The following EDARADD variants were observed in gnomAD, a reference collection of about 807,000 sequenced individuals.
EDARADD encodes ectodysplasin-A receptor-associated adapter protein.
In EDARADD, 20 loss-of-function variants were observed where a neutral mutation model predicts 25.6. That is an observed-to-expected ratio of 0.78 (90% CI 0.55 to 1.14). The LOEUF is 1.14. Ranked by LOEUF, EDARADD falls within the 50% of genes most tolerant of loss-of-function variation. The probability of loss-of-function intolerance (pLI) is 0.00; values close to 1 mark genes in which losing one functional copy is unlikely to be tolerated. For synonymous variants in EDARADD, 86 were observed against 94.4 expected, an observed-to-expected ratio of 0.91 and a Z score of 0.52; for missense variants, 225 against 270.1, an observed-to-expected ratio of 0.83 and a Z score of 1.17.
chr1:236,361,194 A>G (rs1667043741), intron 3 of EDARADD, among the ~76,000 whole-genome samples: 1 of 152,098 alleles, frequency 6.6e-6, no homozygotes, highest in Non-Finnish European at 1.5e-5. Context: ...TATCATCTCC[A>G]ATGGTTTCCT....
At chr1:236,453,673 G>A (rs954079205) in intron 4 of EDARADD, among the ~76,000 whole-genome samples, 2 of 152,172 alleles carry the variant, frequency 1.3e-5, no homozygotes, top group Non-Finnish European at 2.9e-5. Flanking sequence ...TCAGTAACAT[G>A]CTGCACAGGT....
rs61333307 is a variant in EDARADD, at chr1:236,445,234, C to CTTTTTTTT, written c.219+17788_219+17795dup. 1.7e-4 allele frequency among the ~76,000 whole-genome samples: 15 copies of CTTTTTTTT among 89,722 alleles called. 2 individuals carry two copies. The highest frequency in any genetic ancestry group is 3.9e-4 in the African/African-American group (11 of 28,336). The allele number at this position is 89,722 out of a possible 152,430, so 58.9% of individuals were successfully genotyped here. ...TGCATTAGCTGGGACATAATAAATT[C>CTTTTTTTT]TTTTTTTTTTTGAGACAGAGTCTTG... is the stretch of plus-strand genomic sequence containing the variant. On this transcript the variant is annotated intron_variant, in intron 4 of 5. Transcript: ENST00000334232.
intron 1 of EDARADD, among the ~76,000 whole-genome samples, chr1:236,403,327 G>A (rs1667648709): frequency 6.7e-6 from 1 of 148,292 alleles, no homozygotes; most frequent in African/African-American, 2.5e-5. Context: ...TCGCTCTGTC[G>A]ACCAGGCTGG....
intron 4 of EDARADD, among the ~76,000 whole-genome samples, chr1:236,447,028 G>GGGC (rs1658558533): frequency 6.6e-6 from 1 of 152,176 alleles, no homozygotes; most frequent in African/African-American, 2.4e-5. Context: ...TAGCAGGGCA[G>GGGC]GGCAGGTCAC....
At chr1:236,406,058 G>A (rs761889940) in intron 1 of EDARADD, among the ~76,000 whole-genome samples, 7 of 150,840 alleles carry the variant, frequency 4.6e-5, no homozygotes, top group Non-Finnish European at 1.0e-4. Context: ...CCCCACCCCT[G>A]GCTCCACACT....
In EDARADD at chr1:236,438,278, T is replaced by A. The variant is rs74441648; in HGVS notation, c.219+10828T>A. Among the ~76,000 whole-genome samples the A allele has an allele frequency of 4.7e-4, 71 of 152,312 alleles. No homozygotes were observed. The East Asian group carries it at 0.011, about 23-fold the overall frequency. On this transcript the variant is annotated intron_variant, in intron 4 of 5. Transcript: ENST00000334232. The stretch of plus-strand genomic sequence containing the variant: ...GGTACTGAGGGTTAGGATTCCAACA[T>A]GGGAATTGTGTGGAGACACAGGTCA...
At chr1:236,464,680 G>T (rs1005576814) in intron 4 of EDARADD, among the ~76,000 whole-genome samples, 1 of 151,814 alleles carries the variant, frequency 6.6e-6, no homozygotes, top group Non-Finnish European at 1.5e-5. Flanking sequence ...CGATTGGCCC[G>T]CCTCGGCCTC....
intron 4 of EDARADD, among the ~76,000 whole-genome samples, chr1:236,463,575 G>A (rs976339211): frequency 3.4e-4 from 51 of 152,202 alleles, no homozygotes; most frequent in African/African-American, 8.7e-4. Flanking sequence ...ACAGGCGTGC[G>A]CCACTGTGCC....
intron 3 of EDARADD, among the ~76,000 whole-genome samples, chr1:236,387,383 A>T (rs1338617671): frequency 2.9e-5 from 1 of 34,622 alleles, no homozygotes; most frequent in African/African-American, 8.2e-5. Context: ...GGGGGGGGTC[A>T]GCCCCCCTGC....
chr1:236,422,660 T>G (rs1657812332), intron 3 of EDARADD, among the ~76,000 whole-genome samples: 3 of 152,126 alleles, frequency 2.0e-5, no homozygotes, highest in African/African-American at 7.2e-5. Context: ...GTCTACAAAT[T>G]CCCATTGCTC....
intron 4 of EDARADD, among the ~76,000 whole-genome samples, chr1:236,456,929 C>T (rs1393046091): frequency 6.6e-6 from 1 of 152,030 alleles, no homozygotes; most frequent in Non-Finnish European, 1.5e-5. Flanking sequence ...TTGCCAAGCC[C>T]GGGGCTTAGG....
At chr1:236,404,882 C>G (rs143755422) in intron 1 of EDARADD, among the ~76,000 whole-genome samples, 2,092 of 152,218 alleles carry the variant, frequency 0.014, 46 homozygotes, top group African/African-American at 0.048. Context: ...CATCTGAAGT[C>G]AGGAGTTTGA....
chr1:236,384,090 A>G (rs1417861106), intron 3 of EDARADD, among the ~76,000 whole-genome samples: 1 of 152,174 alleles, frequency 6.6e-6, no homozygotes, highest in Non-Finnish European at 1.5e-5. Flanking sequence ...GTGTTGTATC[A>G]TATTTACCCA....
intron 4 of EDARADD, among the ~76,000 whole-genome samples, chr1:236,440,103 G>A (rs1658362191): frequency 6.6e-6 from 1 of 152,152 alleles, no homozygotes; most frequent in South Asian, 2.1e-4. Flanking sequence ...AGTACCATTT[G>A]TTGAAAAAAC....
chr1:236,405,073 G>A (rs1182711801), intron 1 of EDARADD, among the ~76,000 whole-genome samples: 1 of 151,902 alleles, frequency 6.6e-6, no homozygotes, highest in East Asian at 1.9e-4. Context: ...CAGCCTGGGC[G>A]ACAGAGTGAG....
intron 5 of EDARADD, among the ~76,000 whole-genome samples, chr1:236,478,359 ATGTGTGTGTG>A (rs35531700): frequency 5.5e-5 from 8 of 144,806 alleles, no homozygotes; most frequent in African/African-American, 2.1e-4. Context: ...CCATATATAT[ATGTGTGTGTG>A]TGTGTGTGTG....
intron 4 of EDARADD, among the ~76,000 whole-genome samples, chr1:236,453,247 T>C (rs528353654): frequency 7.2e-5 from 11 of 152,142 alleles, no homozygotes; most frequent in African/African-American, 2.7e-4. Flanking sequence ...AGACCATGTG[T>C]ACGCCAGTGG....
chr1:236,357,925 C>T (rs892082144), intron 3 of EDARADD, among the ~76,000 whole-genome samples: 2 of 150,520 alleles, frequency 1.3e-5, no homozygotes, highest in African/African-American at 4.9e-5. Flanking sequence ...CAGGCTGGAG[C>T]GAAATGGCAT....
chr1:236,481,881 A>T (rs553053224), intron 5 of EDARADD, among the ~76,000 whole-genome samples: 3 of 151,892 alleles, frequency 2.0e-5, no homozygotes, highest in African/African-American at 7.2e-5. Context: ...TGGGAGGCCG[A>T]GGCGGGTGGA....
Sources: gnomAD v4.1 joint callset for allele counts (sites outside exome capture counted in the v4.1 genomes callset) on GRCh38, gnomAD v4.1.1 for gene constraint, MANE v1.5 for transcripts, NCBI Gene and HGNC (gene_info 2026-07-23, HGNC 2026-07-21) for gene names.